Variants in TNFSF4 observed in about 807,000 individuals in gnomAD.
TNFSF4 encodes the protein TNF superfamily member 4, also known as tumor necrosis factor ligand superfamily member 4.
In TNFSF4, 4 loss-of-function variants were observed where a neutral mutation model predicts 7.3. That is an observed-to-expected ratio of 0.55 (90% CI 0.27 to 1.25). The LOEUF is 1.25. TNFSF4 is among the 50% of genes most tolerant of loss of function. The pLI is 0.12. For synonymous variants in TNFSF4, 76 were observed against 83.7 expected, an observed-to-expected ratio of 0.91 and a Z score of 0.50; for missense variants, 181 against 208.8, an observed-to-expected ratio of 0.87 and a Z score of 0.82.
At chr1:173,360,321 C>T in the TNFSF4 span, among the ~76,000 whole-genome samples, 1 of 152,348 alleles carries the variant, frequency 6.6e-6, no homozygotes, top group African/African-American at 2.4e-5. Context: ...CAAAGTTGCA[C>T]CTCAGAAGTT....
the TNFSF4 span, among the ~76,000 whole-genome samples, chr1:173,441,479 C>T: frequency 6.6e-6 from 1 of 151,986 alleles, no homozygotes; most frequent in Non-Finnish European, 1.5e-5. Flanking sequence ...AAAAAATTAG[C>T]GAGGCATGAT....
chr1:173,273,856 AT>A, the TNFSF4 span, among the ~76,000 whole-genome samples: 1 of 152,106 alleles, frequency 6.6e-6, no homozygotes, highest in Non-Finnish European at 1.5e-5. Flanking sequence ...GGATGTTTGG[AT>A]TATGGATAAT....
At chr1:173,360,114 C>T in the TNFSF4 span, among the ~76,000 whole-genome samples, 109 of 152,348 alleles carry the variant, frequency 7.2e-4, no homozygotes, top group Non-Finnish European at 9.6e-4. Flanking sequence ...TCCAACTAGC[C>T]GGCTGATAAC....
At chr1:173,192,846 A>G (rs977190440) in intron 1 of TNFSF4, among the ~76,000 whole-genome samples, 1 of 152,228 alleles carries the variant, frequency 6.6e-6, no homozygotes, top group African/African-American at 2.4e-5. Context: ...AAAAATCTGT[A>G]TATCAGAGAG....
At chr1:173,326,353 G>C in the TNFSF4 span, among the ~76,000 whole-genome samples, 1 of 152,178 alleles carries the variant, frequency 6.6e-6, no homozygotes, top group South Asian at 2.1e-4. Flanking sequence ...ATTAGGTATT[G>C]ATGGGATGTA....
At chr1:173,427,401 C>T in the TNFSF4 span, among the ~76,000 whole-genome samples, 1 of 152,146 alleles carries the variant, frequency 6.6e-6, no homozygotes, top group Non-Finnish European at 1.5e-5. Flanking sequence ...TTCCACAATG[C>T]ACGGGAGAGC....
chr1:173,173,880 C>A, the TNFSF4 span, among the ~76,000 whole-genome samples: 3 of 152,232 alleles, frequency 2.0e-5, no homozygotes, highest in Non-Finnish European at 2.9e-5. Flanking sequence ...CTCCGACATG[C>A]CCTGGAGACA....
chr1:173,326,921 T>C, the TNFSF4 span, among the ~76,000 whole-genome samples: 2 of 152,146 alleles, frequency 1.3e-5, no homozygotes, highest in Non-Finnish European at 2.9e-5. Context: ...AGAATCAGTA[T>C]CGTGAAAATG....
the TNFSF4 span, among the ~76,000 whole-genome samples, chr1:173,440,036 G>A: frequency 6.6e-6 from 1 of 152,176 alleles, no homozygotes; most frequent in Non-Finnish European, 1.5e-5. Flanking sequence ...TAGCTTCATA[G>A]TTACTACATT....
At chr1:173,406,453 C>T in the TNFSF4 span, among the ~76,000 whole-genome samples, 13 of 152,144 alleles carry the variant, frequency 8.5e-5, no homozygotes, top group African/African-American at 2.4e-5. Context: ...GCCTACATAG[C>T]TAACGAAGAC....
chr1:173,418,713 C>T, the TNFSF4 span: 1 of 151,870 alleles, frequency 6.6e-6, no homozygotes, highest in African/African-American at 2.4e-5. Context: ...GGGTAGCAAA[C>T]ATAATGGAGG....
intron 1 of TNFSF4, among the ~76,000 whole-genome samples, chr1:173,191,439 G>A (rs1256947981): frequency 6.6e-6 from 1 of 152,112 alleles, no homozygotes; most frequent in East Asian, 1.9e-4. Flanking sequence ...TTATTTGTTG[G>A]CCTTCCAACC....
At chr1:173,271,224 G>A in the TNFSF4 span, among the ~76,000 whole-genome samples, 2 of 152,112 alleles carry the variant, frequency 1.3e-5, no homozygotes, top group Non-Finnish European at 2.9e-5. Flanking sequence ...TCTTGCCCAT[G>A]CCTATGTCCT....
the TNFSF4 span, among the ~76,000 whole-genome samples, chr1:173,403,953 A>T: frequency 9.9e-5 from 15 of 152,148 alleles, no homozygotes; most frequent in East Asian, 9.7e-4. Flanking sequence ...TTGTTTGTTT[A>T]GTGCCTGAAG....
At chr1:173,261,369 A>G in the TNFSF4 span, among the ~76,000 whole-genome samples, 3 of 152,196 alleles carry the variant, frequency 2.0e-5, no homozygotes, top group African/African-American at 7.2e-5. Flanking sequence ...CCCATATCAA[A>G]AAGCTAGAAA....
the TNFSF4 span, among the ~76,000 whole-genome samples, chr1:173,232,665 G>C: frequency 3.3e-5 from 5 of 152,144 alleles, no homozygotes; most frequent in East Asian, 9.6e-4. Context: ...TTTATTGAGA[G>C]TTTTTAGCAT....
chr1:173,325,129 G>C, the TNFSF4 span, among the ~76,000 whole-genome samples: 1 of 152,148 alleles, frequency 6.6e-6, no homozygotes, highest in African/African-American at 2.4e-5. Context: ...GCTCTCCTCA[G>C]CAAATGTAAA....
chr1:173,209,296 G>C (rs192073945), upstream of TNFSF4, among the ~76,000 whole-genome samples: 157 of 152,242 alleles, frequency 1.0e-3, no homozygotes, highest in African/African-American at 3.6e-3. Context: ...ATTTCTGATA[G>C]ACTATCTAGG....
upstream of TNFSF4, among the ~76,000 whole-genome samples, chr1:173,210,219 C>T (rs550881729): frequency 6.6e-6 from 1 of 152,288 alleles, no homozygotes; most frequent in South Asian, 2.1e-4. Context: ...AAACAAAACA[C>T]ATTTTTAGTC....
Sources: allele counts gnomAD v4.1 joint callset (sites outside exome capture counted in the v4.1 genomes callset), GRCh38; gene constraint gnomAD v4.1.1; transcripts MANE v1.5; gene names NCBI Gene and HGNC (gene_info 2026-07-23, HGNC 2026-07-21).